The following NATD1 variants were observed in gnomAD, a reference collection of about 807,000 sequenced individuals.
NATD1 encodes protein NATD1.
In NATD1, 9 loss-of-function variants were observed where a neutral mutation model predicts 12.0. The observed-to-expected ratio is 0.75, with a 90% CI of 0.45 to 1.30. The LOEUF (loss-of-function observed/expected upper bound fraction) is 1.30. Ranked by LOEUF, NATD1 falls within the 50% of genes most tolerant of loss-of-function variation. The probability of loss-of-function intolerance (pLI) is 0.00; values close to 1 mark genes in which losing one functional copy is unlikely to be tolerated. For synonymous variants in NATD1, 71 were observed against 65.9 expected (o/e 1.08, Z -0.37); for missense variants, 148 against 148.5 (o/e 1.00, Z 0.02).
rs1246716827 is a variant in NATD1 at position 21,239,506 on chromosome 17, G to A, written c.*3807C>T. 6.6e-6 allele frequency: 1 copy of A among 152,206 alleles called. No homozygotes were observed. Among genetic ancestry groups the A allele is most frequent in the Admixed American group, 6.5e-5 (1 of 15,268 alleles). 9.4% of individuals were successfully genotyped at this position (152,206 alleles called of 1,614,324 possible). On this transcript the variant is annotated 3_prime_UTR_variant, in exon 3 of 3. Coordinates refer to ENST00000611551, the MANE Select transcript of NATD1 (RefSeq NM_152914.3). ...AAACGAAGTGGAGTAAGATTGCAAC[G>A]GGGCCTGGTGAGGTGGCTCACGCCT...
intron 1 of NATD1, among the ~76,000 whole-genome samples, chr17:21,249,363 T>A (rs1270309978): frequency 6.6e-6 from 1 of 152,084 alleles, no homozygotes; most frequent in African/African-American, 2.4e-5. Context: ...AGGTGCCACA[T>A]GTTGGTGGTT....
chr17:21,250,193 C>T (rs929763664), intron 1 of NATD1, among the ~76,000 whole-genome samples: 3 of 152,244 alleles, frequency 2.0e-5, no homozygotes, highest in Non-Finnish European at 2.9e-5. Context: ...GCACCACCTG[C>T]TCCCCATGAC....
Position 21,244,139 on chromosome 17 carries a change from G to A in NATD1, c.192C>T (p.Tyr64=). 1 of 1,612,958 alleles carries A rather than the reference G, an allele frequency of 6.2e-7. No individual in the cohort carries two copies. ...GGTGCTTGGCGATGCCACGCCCACG[G>A]TAGGCATCTGGGACCTCGGTGTGCT... ...DLQHTEVPDA[Y]RGRGIAKHLA... Residue 64 remains tyrosine, a synonymous_variant, in exon 2 of 3, where the codon TAC becomes TAT. Coordinates refer to ENST00000611551, the MANE Select transcript of NATD1 (RefSeq NM_152914.3). This position sits in a 1 kb window ranked among gnomAD's most constrained non-coding sequence, Gnocchi z 5.2.
Position 21,251,293 on chromosome 17 carries a change from G to GAA in NATD1, c.106+1864_106+1865dup, listed in dbSNP as rs923554742. Among the ~76,000 whole-genome samples, 788 of 85,520 alleles carry GAA rather than the reference G, an allele frequency of 9.2e-3. 11 individuals carry two copies. Among genetic ancestry groups the GAA allele is most frequent in the African/African-American group, 0.026 (609 of 23,692 alleles). The allele number at this position is 85,520 out of a possible 152,430, so 56.1% of individuals were successfully genotyped here. A position where few individuals can be genotyped will look rare whatever the true frequency, so the allele number is the denominator to read the frequency against. On this transcript the variant is annotated intron_variant, in intron 1 of 2. Transcript: ENST00000611551. ...TACCCACTTGGAAGAGAAAGAAAAA[G>GAA]AAAAAAAAAAAAAAAAAACAAACGT... is the stretch of plus-strand genomic sequence containing the variant.
chr17:21,251,297 A>AAG (rs954683509), intron 1 of NATD1, among the ~76,000 whole-genome samples: 2 of 151,742 alleles, frequency 1.3e-5, no homozygotes, highest in African/African-American at 2.4e-5. Flanking sequence ...GAAAAAGAAA[A>AAG]AAAAAAAAAA....
chr17:21,247,640 G>T (rs557584280), intron 1 of NATD1, among the ~76,000 whole-genome samples: 60 of 152,202 alleles, frequency 3.9e-4, no homozygotes, highest in Non-Finnish European at 8.1e-4. Flanking sequence ...GTTGAGACTG[G>T]AACTGAGGGC....
chr17:21,251,796 T>A (rs891532583), intron 1 of NATD1, among the ~76,000 whole-genome samples: 2 of 152,150 alleles, frequency 1.3e-5, no homozygotes, highest in Admixed American at 1.3e-4. Context: ...CAGGACGCCA[T>A]CCCAGCTCTG....
At position 21,240,302 on chromosome 17, in the gene NATD1, C is replaced by T. The variant is rs531471883; in HGVS notation, c.*3011G>A. On this transcript the variant is annotated 3_prime_UTR_variant, in exon 3 of 3. Coordinates refer to ENST00000611551, the MANE Select transcript of NATD1 (RefSeq NM_152914.3). ...CAAGCCCCAGTGACACGCAGGGTCTCGCTCTCCACGCTGAAGGCTGTGCTG... is the reference window on the plus strand; with the variant it reads ...CAAGCCCCAGTGACACGCAGGGTCTTGCTCTCCACGCTGAAGGCTGTGCTG... 2 of 152,234 alleles carry T rather than the reference C, an allele frequency of 1.3e-5. No individual in the cohort carries two copies. Among genetic ancestry groups the T allele is most frequent in the African/African-American group, 2.4e-5 (1 of 41,440 alleles). 9.4% of individuals were successfully genotyped at this position (152,234 alleles called of 1,614,324 possible).
intron 1 of NATD1, among the ~76,000 whole-genome samples, chr17:21,252,633 A>G (rs181525932): frequency 4.0e-4 from 60 of 150,492 alleles, no homozygotes; most frequent in African/African-American, 1.4e-3. Context: ...GGTCAGCCCC[A>G]GGTCCGCAGG....
chr17:21,243,169 C>T lies in NATD1; in HGVS notation c.*144G>A, dbSNP rs140349556. On this transcript the variant is annotated 3_prime_UTR_variant, in exon 3 of 3. Transcript: ENST00000611551. ...TCATTGGTCAGCTGCCTCCAGGGAT[C>T]TGGACGTGGGGCACAGATGAGTGTC... 1.6e-6 allele frequency: 1 copy of T among 640,370 alleles called. No homozygotes were observed. The highest frequency in any genetic ancestry group is 2.7e-6 in the Non-Finnish European group (1 of 375,410). 39.7% of individuals were successfully genotyped at this position (640,370 alleles called of 1,614,324 possible). A position where few individuals can be genotyped will look rare whatever the true frequency, so the allele number is the denominator to read the frequency against.
chr17:21,249,882 TCAGAACCAGGA>T, intron 1 of NATD1, among the ~76,000 whole-genome samples: 1 of 152,320 alleles, frequency 6.6e-6, no homozygotes, highest in Admixed American at 6.5e-5. Flanking sequence ...AGCTTGCATT[TCAGAACCAGGA>T]TATGGCATCA....
chr17:21,249,061 G>A (rs1975352833), intron 1 of NATD1, among the ~76,000 whole-genome samples: 1 of 152,102 alleles, frequency 6.6e-6, no homozygotes. Flanking sequence ...AGGGGGCCAG[G>A]AAATTGTCAG....
chr17:21,253,338 T>G lies in NATD1; in HGVS notation c.-74A>C. The G allele has an allele frequency of 1.6e-6, 1 of 632,326 alleles. No individual in the cohort carries two copies. The highest frequency in any genetic ancestry group is 2.0e-6 in the Non-Finnish European group (1 of 511,046). 39.2% of individuals were successfully genotyped at this position (632,326 alleles called of 1,614,324 possible). On this transcript the variant is annotated 5_prime_UTR_variant, in exon 1 of 3. Transcript: ENST00000611551. ...GGAAAGGTCAGGCGCGCGGCGGGGC[T>G]GGAGCGCGGGCGCAGGCGGCAGGCG...
intron 1 of NATD1, among the ~76,000 whole-genome samples, chr17:21,252,628 GC>G (rs1283974093): frequency 2.0e-5 from 3 of 151,810 alleles, no homozygotes; most frequent in Non-Finnish European, 4.4e-5. Context: ...TTCGCGGTCA[GC>G]CCCAGGTCCG....
chr17:21,244,272 G>A lies in NATD1; in HGVS notation c.107-48C>T, dbSNP rs752927435. 11 of 1,535,736 alleles carry A rather than the reference G, an allele frequency of 7.2e-6. No individual in the cohort carries two copies. The highest frequency in any genetic ancestry group is 2.4e-5 in the South Asian group (2 of 84,824). ...AGCCTATGCTGACTCCCATCCCAGC[G>A]GACTCAGGCACCAAGACGGGTGGAG... On this transcript the variant is annotated intron_variant, in intron 1 of 2. Transcript: ENST00000611551. The surrounding 1 kb of genome is among the most constrained non-coding windows in gnomAD (Gnocchi z 5.2).
Position 21,253,239 on chromosome 17 carries a change from G to A in NATD1, c.26C>T (p.Pro9Leu), listed in dbSNP as rs1975396362. MAHSAAAVPLGALEQGCPI... is the reference protein window; with the variant it reads MAHSAAAVLLGALEQGCPI... ...GCAGCCCTGCTCCAGCGCGCCCAGC[G>A]GCACGGCGGCAGCCGAGTGCGCCAT... Residue 9 changes from proline (P) to leucine (L), a missense_variant, in exon 1 of 3, where the codon CCG (proline) becomes CTG (leucine). Coordinates refer to ENST00000611551, the MANE Select transcript of NATD1 (RefSeq NM_152914.3). 6 of 999,490 alleles carry A rather than the reference G, an allele frequency of 6.0e-6. No homozygotes were observed. The South Asian group carries it at 1.3e-4, about 22-fold the overall frequency. 61.9% of individuals were successfully genotyped at this position (999,490 alleles called of 1,614,324 possible). A position where few individuals can be genotyped will look rare whatever the true frequency, so the allele number is the denominator to read the frequency against.
chr17:21,253,299 G>T lies in NATD1; in HGVS notation c.-35C>A. 1.1e-6 allele frequency: 1 copy of T among 914,158 alleles called. No individual in the cohort carries two copies. Among genetic ancestry groups the T allele is most frequent in the Non-Finnish European group, 1.3e-6 (1 of 765,890 alleles). The allele number at this position is 914,158 out of a possible 1,614,324, so 56.6% of individuals were successfully genotyped here. ...GGGCTGCGGCGCGGCGCCGGCGGGG[G>T]CCGGGGCGCGCGGGGAAAGGTCAGG... On this transcript the variant is annotated 5_prime_UTR_variant, in exon 1 of 3. Transcript: ENST00000611551.
At chr17:21,253,131 A>T in intron 1 of NATD1, 28 bp downstream of exon 1, 1 of 1,000,080 alleles carries the variant, frequency 1.0e-6, no homozygotes, top group Non-Finnish European at 1.2e-6. Context: ...CGCAGACAAA[A>T]GGTCGGGGCG....
rs1287651456 is a variant in NATD1 at position 21,242,828 on chromosome 17, G to A, written c.*485C>T. The A allele has an allele frequency of 1.3e-5, 2 of 157,952 alleles. No homozygotes were observed. Among genetic ancestry groups the A allele is most frequent in the Non-Finnish European group, 2.8e-5 (2 of 71,096 alleles). The allele number at this position is 157,952 out of a possible 1,614,324, so 9.8% of individuals were successfully genotyped here. A position where few individuals can be genotyped will look rare whatever the true frequency, so the allele number is the denominator to read the frequency against. On this transcript the variant is annotated 3_prime_UTR_variant, in exon 3 of 3. Coordinates refer to ENST00000611551, the MANE Select transcript of NATD1 (RefSeq NM_152914.3). ...CTGGGCATGGGGGTCTGAGAAAGGG[G>A]CAGCACCGCTGGCAGGTGGGGTCTG... is the stretch of plus-strand genomic sequence containing the variant.
Sources: gnomAD v4.1 joint callset for allele counts (sites outside exome capture counted in the v4.1 genomes callset) on GRCh38, gnomAD v4.1.1 for gene constraint, Gnocchi (gnomAD v3.1) non-coding constraint, MANE v1.5 for transcripts, NCBI Gene and HGNC (gene_info 2026-07-23, HGNC 2026-07-21) for gene names.